The following ABRAXAS2 variants were observed in gnomAD, a reference collection of about 807,000 sequenced individuals.
ABRAXAS2 encodes abraxas 2, BRISC complex subunit, also known as BRISC complex subunit Abraxas 2.
In ABRAXAS2, 23 loss-of-function variants were observed where a neutral mutation model predicts 49.0. The ratio of observed to expected loss-of-function variants is 0.47; its 90% CI spans 0.34 to 0.66. The LOEUF (loss-of-function observed/expected upper bound fraction) is 0.66, where lower values mean the gene tolerates loss of function less well. Among genes scored for constraint, ABRAXAS2 ranks in the 30% least tolerant of loss-of-function variants. The pLI is 0.01. For missense variants in ABRAXAS2, 443 were observed against 511.9 expected, an observed-to-expected ratio of 0.87 and a Z score of 1.30; for synonymous variants, 168 against 180.2, an observed-to-expected ratio of 0.93 and a Z score of 0.54.
At position 124,825,545 on chromosome 10, in the gene ABRAXAS2, T is replaced by C. The variant is rs1950891341; in HGVS notation, c.268-1050T>C. On this transcript the variant is annotated intron_variant, in intron 4 of 8. Coordinates refer to ENST00000298492, the MANE Select transcript of ABRAXAS2 (RefSeq NM_032182.4). ...TATTCACTTAGAGTGGTGTAGTAAT[T>C]AGTGAAAATATTTGTGACAATGCTA... Among the ~76,000 whole-genome samples the C allele has an allele frequency of 2.0e-5, 3 of 152,150 alleles. No individual in the cohort carries two copies. In the South Asian group the frequency reaches 6.2e-4, roughly 31 times the overall value.
At chr10:124,833,940 AG>A (rs1235423828) in intron 8 of ABRAXAS2, among the ~76,000 whole-genome samples, 1 of 152,186 alleles carries the variant, frequency 6.6e-6, no homozygotes, top group Non-Finnish European at 1.5e-5. Flanking sequence ...GTAGCTATAA[AG>A]GCGTATAAGT....
At chr10:124,830,706 T>C (rs1564925577) in intron 7 of ABRAXAS2, among the ~76,000 whole-genome samples, 1 of 152,202 alleles carries the variant, frequency 6.6e-6, no homozygotes, top group Non-Finnish European at 1.5e-5. Flanking sequence ...CAGTGGAAAA[T>C]AGCTTTTTGT....
At chr10:124,802,636 C>T (rs1950713848) in intron 1 of ABRAXAS2, among the ~76,000 whole-genome samples, 1 of 152,134 alleles carries the variant, frequency 6.6e-6, no homozygotes, top group East Asian at 1.9e-4. Context: ...TACAAATTGT[C>T]TTTTAACGTC....
In ABRAXAS2 at chr10:124,812,914, A is replaced by G. The variant is rs904033056; in HGVS notation, c.164-3662A>G. On this transcript the variant is annotated intron_variant, in intron 2 of 8. Transcript: ENST00000298492. ...AGGAAGACTCAATATAGAATATCAC[A>G]TTTTGGGCTGGGCGTGGTGGCTCAT... 2.6e-5 allele frequency among the ~76,000 whole-genome samples: 4 copies of G among 152,110 alleles called. No homozygotes were observed. The East Asian group carries it at 7.7e-4, about 29-fold the overall frequency.
intron 6 of ABRAXAS2, 46 bp from the exon 7 acceptor site, chr10:124,829,347 G>A (rs374496414): frequency 1.1e-5 from 14 of 1,291,832 alleles, no homozygotes; most frequent in Admixed American, 3.6e-5. Context: ...CCATTTCACC[G>A]CAGTTATGAT....
At chr10:124,828,252 G>A (rs1455803989) in intron 5 of ABRAXAS2, among the ~76,000 whole-genome samples, 1 of 152,124 alleles carries the variant, frequency 6.6e-6, no homozygotes, top group East Asian at 1.9e-4. Flanking sequence ...CTGGAGTACA[G>A]TGGCACTATC....
At chr10:124,824,005 C>T (rs1295406587) in intron 4 of ABRAXAS2, among the ~76,000 whole-genome samples, 1 of 152,158 alleles carries the variant, frequency 6.6e-6, no homozygotes, top group Non-Finnish European at 1.5e-5. Flanking sequence ...GTAGCCTGGC[C>T]CTCCTGGGCT....
intron 2 of ABRAXAS2, among the ~76,000 whole-genome samples, chr10:124,814,237 T>TC (rs1950808781): frequency 6.6e-6 from 1 of 152,016 alleles, no homozygotes; most frequent in African/African-American, 2.4e-5. Context: ...TGATCCAACC[T>TC]CCTCGGCCTC....
intron 8 of ABRAXAS2, among the ~76,000 whole-genome samples, chr10:124,833,298 C>A (rs1188416220): frequency 8.3e-6 from 1 of 120,198 alleles, no homozygotes; most frequent in Non-Finnish European, 1.8e-5. Context: ...AAAACCCCAT[C>A]TCTACTTCAA....
At position 124,819,467 on chromosome 10, in the gene ABRAXAS2, G is replaced by T; in HGVS notation, c.267+17G>T. ...CGGAGAAAGGTATGTTCTGTTTGTTGCCCAGTATGATTCTGAAATCGTTCC... is the reference window on the plus strand; with the variant it reads ...CGGAGAAAGGTATGTTCTGTTTGTTTCCCAGTATGATTCTGAAATCGTTCC... On this transcript the variant is annotated intron_variant, in intron 4 of 8. Coordinates refer to ENST00000298492, the MANE Select transcript of ABRAXAS2 (RefSeq NM_032182.4). The T allele has an allele frequency of 6.2e-7, 1 of 1,610,002 alleles. No individual in the cohort carries two copies. The highest frequency in any genetic ancestry group is 1.7e-5 in the Admixed American group (1 of 59,980).
intron 1 of ABRAXAS2, among the ~76,000 whole-genome samples, chr10:124,802,857 G>T (rs1950715217): frequency 6.6e-6 from 1 of 152,200 alleles, no homozygotes. Flanking sequence ...TTTGATGTCA[G>T]CAATCTTAGC....
chr10:124,831,719 C>T (rs1260545356), intron 8 of ABRAXAS2, among the ~76,000 whole-genome samples: 1 of 151,960 alleles, frequency 6.6e-6, no homozygotes, highest in Non-Finnish European at 1.5e-5. Context: ...TAGAATAAAT[C>T]CCAAGAAGTT....
chr10:124,817,788 G>A (rs1208867286), intron 3 of ABRAXAS2, among the ~76,000 whole-genome samples: 1 of 152,110 alleles, frequency 6.6e-6, no homozygotes, highest in East Asian at 1.9e-4. Context: ...TCAGAGAATT[G>A]TCACCATGCA....
intron 4 of ABRAXAS2, among the ~76,000 whole-genome samples, chr10:124,823,449 C>A (rs1021171706): frequency 4.6e-5 from 7 of 152,218 alleles, no homozygotes; most frequent in Non-Finnish European, 1.0e-4. Flanking sequence ...AATGTTTGCA[C>A]AAGCCTCAGG....
Position 124,831,842 on chromosome 10 carries a change from CTTTTTTTTT to C in ABRAXAS2, c.778+401_778+409del, listed in dbSNP as rs71029219. Among the ~76,000 whole-genome samples, 32 of 37,720 alleles carry C rather than the reference CTTTTTTTTT, an allele frequency of 8.5e-4. No individual in the cohort carries two copies. In the East Asian group the frequency reaches 0.021, roughly 25 times the overall value. 24.7% of individuals were successfully genotyped at this position (37,720 alleles called of 152,430 possible). A position where few individuals can be genotyped will look rare whatever the true frequency, so the allele number is the denominator to read the frequency against. Reference sequence around the variant, plus strand: ...CCAGCAGGTAGGCACTGTGTCCTGTCTTTTTTTTTTTTTTTTTTTTTTTTTTTTTTAGAC... The same window carrying C: ...CCAGCAGGTAGGCACTGTGTCCTGTCTTTTTTTTTTTTTTTTTTTTTAGAC... On this transcript the variant is annotated intron_variant, in intron 8 of 8. Transcript: ENST00000298492.
At chr10:124,834,382 ACAGT>A (rs1950954091) in intron 8 of ABRAXAS2, 116 bp from the exon 9 acceptor site, 3 of 719,582 alleles carry the variant, frequency 4.2e-6, no homozygotes, top group Non-Finnish European at 2.3e-6. Flanking sequence ...ATTAATAGTG[ACAGT>A]CAGCTTCATT....
At chr10:124,814,796 G>A (rs748467079) in intron 2 of ABRAXAS2, among the ~76,000 whole-genome samples, 22 of 151,186 alleles carry the variant, frequency 1.5e-4, no homozygotes, top group Admixed American at 9.9e-4. Flanking sequence ...ACAGGCGCGC[G>A]CCACCACACC....
chr10:124,807,014 A>G (rs1950749209), intron 2 of ABRAXAS2, 93 bp downstream of exon 2: 1 of 1,012,070 alleles, frequency 9.9e-7, no homozygotes, highest in Non-Finnish European at 1.5e-6. Context: ...ATTTTATCCT[A>G]AAGAATTCAA....
At chr10:124,807,947 C>G (rs1368238613) in intron 2 of ABRAXAS2, among the ~76,000 whole-genome samples, 2 of 152,186 alleles carry the variant, frequency 1.3e-5, no homozygotes, top group Non-Finnish European at 2.9e-5. Flanking sequence ...GGGATATTTA[C>G]TAAACCTATA....
Sources: allele counts gnomAD v4.1 joint callset (sites outside exome capture counted in the v4.1 genomes callset), GRCh38; gene constraint gnomAD v4.1.1; transcripts MANE v1.5; gene names NCBI Gene and HGNC (gene_info 2026-07-23, HGNC 2026-07-21).